IGSF9B: variants seen among roughly 807,000 people sequenced by gnomAD.
IGSF9B encodes immunoglobulin superfamily member 9B, also known as protein turtle homolog B.
A neutral mutation model predicts 143.7 loss-of-function variants in IGSF9B; 48 were observed. That is an observed-to-expected ratio of 0.33 (90% CI 0.26 to 0.42). The LOEUF is 0.42. IGSF9B is among the 20% of genes least tolerant of loss of function. The pLI, the probability that IGSF9B is intolerant of heterozygous loss-of-function variation, is 1.00. For missense variants in IGSF9B, 1,706 were observed against 1,980.0 expected, an observed-to-expected ratio of 0.86 and a Z score of 2.63; for synonymous variants, 903 against 833.1, an observed-to-expected ratio of 1.08 and a Z score of -1.44.
chr11:133,918,877 G>A (rs1160764955), intron 18 of IGSF9B, among the ~76,000 whole-genome samples: 1 of 151,280 alleles, frequency 6.6e-6, no homozygotes, highest in Non-Finnish European at 1.5e-5. Flanking sequence ...CGGCTCTTCC[G>A]AACCCAAAGG....
rs768894435 is a variant in IGSF9B at position 133,920,625 on chromosome 11, C to G, written c.3100G>C (p.Gly1034Arg). The G allele has an allele frequency of 6.2e-7, 1 of 1,613,488 alleles. No individual in the cohort carries two copies. Among genetic ancestry groups the G allele is most frequent in the Non-Finnish European group, 8.5e-7 (1 of 1,179,820 alleles). The change falls in exon 18 of 20, where the codon GGG becomes CGG. Residue 1034 changes from glycine (G) to arginine (R), a missense_variant. Physicochemically the swap from Gly to Arg is moderately radical, Grantham distance 125 (BLOSUM62 -2). This residue lies in a region of IGSF9B where 880 missense variants were observed against 762.9 expected (regional missense o/e 1.15). Transcript: ENST00000533871. ...CGGCCCCAGGGCTCAGGGGAGCGCC[C>G]TCCTGTAGGTGTCTGAGTCAAGGGC... The part of the protein sequence containing the change: ...TLPLTQTPTG[G>R]RSPEPWGRPE...
chr11:133,943,406 T>C (rs1200946322), intron 3 of IGSF9B, among the ~76,000 whole-genome samples: 3 of 152,024 alleles, frequency 2.0e-5, no homozygotes, highest in African/African-American at 7.2e-5. Context: ...TCCTCCAGAG[T>C]ACCTCCTTCC....
At position 133,919,711 on chromosome 11, in the gene IGSF9B, G is replaced by A. The variant is rs1475955363; in HGVS notation, c.3983+31C>T. Reference sequence around the variant, plus strand: ...CGGGTGGGGGAAGGAAGTTGCCCAGGTGCGGGTGGCGGAAGAGGCGGCGCA... The same window carrying A: ...CGGGTGGGGGAAGGAAGTTGCCCAGATGCGGGTGGCGGAAGAGGCGGCGCA... On this transcript the variant is annotated intron_variant, in intron 18 of 19. Coordinates refer to ENST00000533871, the MANE Select transcript of IGSF9B (RefSeq NM_001277285.4). The A allele has an allele frequency of 3.0e-6, 4 of 1,327,146 alleles. No individual in the cohort carries two copies. The African/African-American group carries it at 4.5e-5, about 15-fold the overall frequency. The allele number at this position is 1,327,146 out of a possible 1,614,324, so 82.2% of individuals were successfully genotyped here. A position where few individuals can be genotyped will look rare whatever the true frequency, so the allele number is the denominator to read the frequency against.
At position 133,928,247 on chromosome 11, in the gene IGSF9B, G is replaced by A. The variant is rs1027517420; in HGVS notation, c.1632-1156C>T. Among the ~76,000 whole-genome samples the A allele has an allele frequency of 6.6e-6, 1 of 152,220 alleles. No homozygotes were observed. The highest frequency in any genetic ancestry group is 2.4e-5 in the African/African-American group (1 of 41,546). On this transcript the variant is annotated intron_variant, in intron 12 of 19. Coordinates refer to ENST00000533871, the MANE Select transcript of IGSF9B (RefSeq NM_001277285.4). This position sits in a 1 kb window ranked among gnomAD's most constrained non-coding sequence, Gnocchi z 4.7. ...GGACACCTAGGCGCTGAGCAGCACC[G>A]GTCTCCCAGCAGCCACCGGGCAGGC...
chr11:133,953,093 C>T lies in IGSF9B; in HGVS notation c.64+3598G>A, dbSNP rs990371568. 3.3e-5 allele frequency among the ~76,000 whole-genome samples: 5 copies of T among 152,164 alleles called. No homozygotes were observed. Among genetic ancestry groups the T allele is most frequent in the Admixed American group, 2.0e-4 (3 of 15,284 alleles). ...GCCAAGGAAGAAGACACAGCCAGCA[C>T]CCTGGCTGGGGAGAAGGCAAAGGTA... On this transcript the variant is annotated intron_variant, in intron 1 of 19. Transcript: ENST00000533871. The surrounding 1 kb of genome is among the most constrained non-coding windows in gnomAD (Gnocchi z 4.2).
chr11:133,922,868 G>A, intron 15 of IGSF9B, 138 bp from the exon 16 acceptor site: 2 of 755,390 alleles, frequency 2.6e-6, no homozygotes, highest in Non-Finnish European at 4.2e-6. Context: ...CTGAACTCTA[G>A]CACTGAAGAG....
intron 1 of IGSF9B, among the ~76,000 whole-genome samples, chr11:133,951,498 G>GCCT (rs1250267379): frequency 2.0e-5 from 3 of 152,260 alleles, no homozygotes; most frequent in African/African-American, 7.2e-5. Context: ...CCGGCCCTGA[G>GCCT]CCTTCTCGGC....
chr11:133,909,225 G>A lies in IGSF9B; in HGVS notation c.4158C>T (p.Pro1386=), dbSNP rs952425476. The A allele has an allele frequency of 1.3e-5, 20 of 1,535,744 alleles. No homozygotes were observed. The highest frequency in any genetic ancestry group is 2.4e-5 in the South Asian group (2 of 84,052). ...TCTTTCGGAGGCAGACAGCTTCATC[G>A]GGCCACAGAACCTGAGAGTTGGGAA... ...QQLPNSQVLW[P]DEAVCLRKKK... is the part of the protein sequence containing the mutation. The change falls in exon 20 of 20, where the codon CCC becomes CCT. Residue 1386 remains proline (P), a synonymous_variant. Transcript: ENST00000533871. The surrounding 1 kb of genome is among the most constrained non-coding windows in gnomAD (Gnocchi z 4.2).
intron 3 of IGSF9B, among the ~76,000 whole-genome samples, chr11:133,941,825 G>A (rs1939960138): frequency 6.6e-6 from 1 of 152,156 alleles, no homozygotes; most frequent in Non-Finnish European, 1.5e-5. Flanking sequence ...TCTGGCTGGA[G>A]GACCCTACTC....
intron 3 of IGSF9B, among the ~76,000 whole-genome samples, chr11:133,941,645 T>C (rs1453071987): frequency 6.6e-6 from 1 of 152,158 alleles, no homozygotes; most frequent in African/African-American, 2.4e-5. Flanking sequence ...CGCAGGTAGG[T>C]GCCTTGATTA....
Position 133,908,986 on chromosome 11 carries a change from G to A in IGSF9B, c.*83C>T, listed in dbSNP as rs972436132. The A allele has an allele frequency of 1.2e-5, 15 of 1,209,440 alleles. No individual in the cohort carries two copies. The highest frequency in any genetic ancestry group is 2.1e-5 in the Admixed American group (1 of 48,492). 74.9% of individuals were successfully genotyped at this position (1,209,440 alleles called of 1,614,324 possible). ...AAGGTCTGGGCCGCCCTTGGCAGACGGAGGAGGACACACCCCCACACAGTG... is the reference window on the plus strand; with the variant it reads ...AAGGTCTGGGCCGCCCTTGGCAGACAGAGGAGGACACACCCCCACACAGTG... On this transcript the variant is annotated 3_prime_UTR_variant, in exon 20 of 20. Transcript: ENST00000533871.
chr11:133,924,649 T>C (rs1007173604), intron 15 of IGSF9B, among the ~76,000 whole-genome samples, 171 bp downstream of exon 15: 3 of 152,114 alleles, frequency 2.0e-5, no homozygotes, highest in Admixed American at 6.5e-5. Flanking sequence ...ATCATGGAAA[T>C]ATGGGTCTGG....
chr11:133,921,842 T>G (rs900468700), intron 17 of IGSF9B, among the ~76,000 whole-genome samples: 1 of 152,112 alleles, frequency 6.6e-6, no homozygotes, highest in African/African-American at 2.4e-5. Context: ...AATATCAACT[T>G]AAGCAACACA....
Position 133,951,988 on chromosome 11 carries a change from A to C in IGSF9B, c.64+4703T>G, listed in dbSNP as rs1351648778. ...CAGGCCCCCGCTCCATCTCGGGGGC[A>C]CACACGACCAGGAGGGAGGCAAGGG... On this transcript the variant is annotated intron_variant, in intron 1 of 19. Transcript: ENST00000533871. 2.0e-5 allele frequency: 9 copies of C among 449,954 alleles called. 1 individual carries two copies. Among genetic ancestry groups the C allele is most frequent in the East Asian group, 7.0e-5 (1 of 14,198 alleles). 27.9% of individuals were successfully genotyped at this position (449,954 alleles called of 1,614,324 possible).
Position 133,920,257 on chromosome 11 carries a change from C to T in IGSF9B, c.3468G>A (p.Gly1156=). 6.6e-7 allele frequency: 1 copy of T among 1,518,730 alleles called. No individual in the cohort carries two copies. Among genetic ancestry groups the T allele is most frequent in the Non-Finnish European group, 8.8e-7 (1 of 1,132,956 alleles). 94.1% of individuals were successfully genotyped at this position (1,518,730 alleles called of 1,614,324 possible). Residue 1156 remains glycine (G), a synonymous_variant, in exon 18 of 20, where the codon GGG becomes GGA. Coordinates refer to ENST00000533871, the MANE Select transcript of IGSF9B (RefSeq NM_001277285.4). ...CAAATGTGCTGGGGCCGCCGTGCGC[C>T]CCCGGCTCAGCCGGCTCGGGGTAAG... is the stretch of plus-strand genomic sequence containing the variant. The part of the protein sequence containing the change: ...VLPYPEPAEP[G]AHGGPSTFGL...
chr11:133,949,823 G>C (rs1940126523), intron 1 of IGSF9B, among the ~76,000 whole-genome samples: 1 of 152,162 alleles, frequency 6.6e-6, no homozygotes, highest in African/African-American at 2.4e-5. Flanking sequence ...GAGGGGCCAG[G>C]CTCCCCCCTC....
At chr11:133,927,524 C>G (rs773596740) in intron 12 of IGSF9B, among the ~76,000 whole-genome samples, 2 of 152,184 alleles carry the variant, frequency 1.3e-5, no homozygotes, top group African/African-American at 2.4e-5. Context: ...CCAGGGACAG[C>G]TGAAGTAGGG....
intron 18 of IGSF9B, 148 bp downstream of exon 18, chr11:133,919,594 C>T (rs1939469109): frequency 9.5e-6 from 5 of 527,480 alleles, no homozygotes; most frequent in East Asian, 6.8e-5. Context: ...CAAACCGCGG[C>T]GGCCAGAACT....
intron 14 of IGSF9B, 21 bp from the exon 15 acceptor site, chr11:133,924,925 C>A (rs1939598497): frequency 6.2e-7 from 1 of 1,607,488 alleles, no homozygotes; most frequent in African/African-American, 1.3e-5. Flanking sequence ...AGGGACAATA[C>A]CCAGTCAGCC....
Sources: allele counts gnomAD v4.1 joint callset (sites outside exome capture counted in the v4.1 genomes callset), GRCh38; gene constraint gnomAD v4.1.1; regional missense constraint gnomAD v4.1.1; non-coding constraint Gnocchi (gnomAD v3.1); transcripts MANE v1.5; gene names NCBI Gene and HGNC (gene_info 2026-07-23, HGNC 2026-07-21).